The following AGBL1 variants were observed in gnomAD, a reference collection of about 807,000 sequenced individuals.
The protein encoded by AGBL1 is cytosolic carboxypeptidase 4.
In AGBL1, 130 loss-of-function variants were observed where a neutral mutation model predicts 118.9. The ratio of observed to expected loss-of-function variants is 1.09; its 90% CI spans 0.95 to 1.26. The LOEUF (loss-of-function observed/expected upper bound fraction) is 1.26, where lower values mean the gene tolerates loss of function less well. Ranked by LOEUF, AGBL1 falls within the 50% of genes most tolerant of loss-of-function variation. AGBL1 has a pLI of 0.00. For synonymous variants in AGBL1, 555 were observed against 478.9 expected (o/e 1.16, Z -2.08); for missense variants, 1,584 against 1,298.1 (o/e 1.22, Z -3.38).
At chr15:86,802,785 A>G (rs775848637) in intron 22 of AGBL1, among the ~76,000 whole-genome samples, 32 of 152,170 alleles carry the variant, frequency 2.1e-4, no homozygotes, top group Non-Finnish European at 4.6e-4. Context: ...GTGGTCAGAC[A>G]GACCTGCATT....
intron 6 of AGBL1, among the ~76,000 whole-genome samples, chr15:86,232,029 C>G (rs1490280097): frequency 2.0e-5 from 3 of 152,154 alleles, no homozygotes; most frequent in African/African-American, 4.8e-5. Flanking sequence ...TGAGGCCGAG[C>G]CTCAGGCCGG....
chr15:86,403,981 A>AACAC lies in AGBL1; in HGVS notation c.2555+6447_2555+6450dup, dbSNP rs372690296. On this transcript the variant is annotated intron_variant, in intron 18 of 22. Transcript: ENST00000614907. ...CATAAGAAATTGTCTAGATATTGAA[A>AACAC]ACACACACACACACATCCATGCCCA... 7.9e-5 allele frequency among the ~76,000 whole-genome samples: 12 copies of AACAC among 151,972 alleles called. 1 individual carries two copies.
At chr15:87,027,073 A>C (rs528675239) in intron 24 of AGBL1, among the ~76,000 whole-genome samples, 1 of 152,120 alleles carries the variant, frequency 6.6e-6, no homozygotes, top group East Asian at 1.9e-4. Context: ...AAATCTCACA[A>C]ATCACCACCA....
At chr15:86,682,289 CAGA>C (rs1471776309) in intron 22 of AGBL1, among the ~76,000 whole-genome samples, 1 of 152,052 alleles carries the variant, frequency 6.6e-6, no homozygotes, top group African/African-American at 2.4e-5. Flanking sequence ...ACTGATTGGC[CAGA>C]AGAAGTGCTA....
intron 1 of AGBL1, among the ~76,000 whole-genome samples, chr15:86,132,429 G>A (rs1005689374): frequency 2.0e-5 from 3 of 152,198 alleles, no homozygotes; most frequent in African/African-American, 7.2e-5. Context: ...GACGGTGTGA[G>A]CCTTGGGTGG....
chr15:86,867,842 G>T (rs999426769), intron 22 of AGBL1, among the ~76,000 whole-genome samples: 1 of 152,284 alleles, frequency 6.6e-6, no homozygotes, highest in East Asian at 1.9e-4. Flanking sequence ...GTACTAATTT[G>T]TCTCCTTAAA....
At chr15:86,835,290 G>A (rs1429646317) in intron 22 of AGBL1, among the ~76,000 whole-genome samples, 4 of 151,760 alleles carry the variant, frequency 2.6e-5, no homozygotes, top group African/African-American at 9.7e-5. Flanking sequence ...CTTAATTAAT[G>A]TATTTAATAG....
intron 21 of AGBL1, among the ~76,000 whole-genome samples, chr15:86,591,111 G>A (rs140652130): frequency 8.5e-4 from 129 of 152,220 alleles, no homozygotes; most frequent in Non-Finnish European, 1.4e-3. Flanking sequence ...TCTTAACCTT[G>A]ACGCTTAAAG....
intron 22 of AGBL1, among the ~76,000 whole-genome samples, chr15:86,704,356 C>G (rs2086411424): frequency 6.6e-6 from 1 of 152,118 alleles, no homozygotes; most frequent in African/African-American, 2.4e-5. Context: ...AGGCACCCTA[C>G]AGAATAGGAG....
intron 18 of AGBL1, among the ~76,000 whole-genome samples, chr15:86,441,067 C>G (rs887325480): frequency 6.6e-6 from 1 of 152,154 alleles, no homozygotes; most frequent in African/African-American, 2.4e-5. Context: ...CAGAAACCAT[C>G]CATTCTACTA....
chr15:86,104,142 G>A (rs548861068), intron 1 of AGBL1, among the ~76,000 whole-genome samples: 1 of 152,136 alleles, frequency 6.6e-6, no homozygotes, highest in Non-Finnish European at 1.5e-5. Context: ...GGTAAATGGG[G>A]CAGGGTGAAC....
At chr15:86,435,440 G>A (rs1006047856) in intron 18 of AGBL1, among the ~76,000 whole-genome samples, 2 of 152,162 alleles carry the variant, frequency 1.3e-5, no homozygotes, top group African/African-American at 4.8e-5. Flanking sequence ...ACTTCAATCA[G>A]ACTTTTGGTA....
At chr15:86,308,618 GA>G (rs2079875957) in intron 17 of AGBL1, among the ~76,000 whole-genome samples, 1 of 152,166 alleles carries the variant, frequency 6.6e-6, no homozygotes, top group Admixed American at 6.5e-5. Context: ...TAAGATAAGG[GA>G]TTGATTTCAT....
At chr15:86,213,584 C>T (rs149519052) in intron 5 of AGBL1, among the ~76,000 whole-genome samples, 25 of 152,190 alleles carry the variant, frequency 1.6e-4, no homozygotes, top group African/African-American at 5.1e-4. Context: ...TCTCAGTGAT[C>T]GCTGGTGAAC....
chr15:86,970,501 C>A lies in AGBL1; in HGVS notation c.3222-17486C>A, dbSNP rs527334619. Among the ~76,000 whole-genome samples, 9 of 152,046 alleles carry A rather than the reference C, an allele frequency of 5.9e-5. No individual in the cohort carries two copies. The South Asian group carries it at 1.7e-3, about 28-fold the overall frequency. ...TACTAAGGCAGAAACTCAGGCTCAACGACGTTGAGCTATGTGCTCAAAGTC... is the reference window on the plus strand; with the variant it reads ...TACTAAGGCAGAAACTCAGGCTCAAAGACGTTGAGCTATGTGCTCAAAGTC... On this transcript the variant is annotated intron_variant, in intron 23 of 24. Transcript: ENST00000441037.
rs1358508824 is a variant in AGBL1, at chr15:86,817,498, GA to G, written c.3159-89588del. Among the ~76,000 whole-genome samples, 34 of 111,612 alleles carry G rather than the reference GA, an allele frequency of 3.0e-4. 1 individual carries two copies. Among genetic ancestry groups the G allele is most frequent in the African/African-American group, 4.3e-4 (12 of 28,212 alleles). The allele number at this position is 111,612 out of a possible 152,430, so 73.2% of individuals were successfully genotyped here. A position where few individuals can be genotyped will look rare whatever the true frequency, so the allele number is the denominator to read the frequency against. ...CACACACACACACACACACAGAGGA[GA>G]GAGAGAGAGAAAGAGACAGGCATAC... is the stretch of plus-strand genomic sequence containing the variant. On this transcript the variant is annotated intron_variant, in intron 22 of 22. Coordinates refer to ENST00000614907, the MANE Select transcript of AGBL1 (RefSeq NM_001386094.1).
At chr15:86,569,010 G>GT (rs112532814) in intron 21 of AGBL1, among the ~76,000 whole-genome samples, 3,633 of 144,264 alleles carry the variant, frequency 0.025, 48 homozygotes, top group Non-Finnish European at 0.03. Flanking sequence ...TACATAAACT[G>GT]TTTTTTTTTT....
At chr15:86,994,457 G>C (rs2081362270) in intron 24 of AGBL1, among the ~76,000 whole-genome samples, 1 of 152,060 alleles carries the variant, frequency 6.6e-6, no homozygotes, top group East Asian at 1.9e-4. Context: ...AGAGAGAAAA[G>C]AGAAAATAAC....
At chr15:86,948,723 C>A (rs1057468995) in intron 23 of AGBL1, among the ~76,000 whole-genome samples, 3 of 152,218 alleles carry the variant, frequency 2.0e-5, no homozygotes. Context: ...CCCTGAAAAA[C>A]TGCAATGAGC....
Sources: gnomAD v4.1 joint callset for allele counts (sites outside exome capture counted in the v4.1 genomes callset) on GRCh38, gnomAD v4.1.1 for gene constraint, MANE v1.5 for transcripts, NCBI Gene and HGNC (gene_info 2026-07-23, HGNC 2026-07-21) for gene names.